Variants in TUBA3C observed in about 807,000 individuals in gnomAD.
The protein encoded by TUBA3C is tubulin alpha 3c, also known as tubulin alpha-3C chain.
Under a neutral mutation model 33.4 loss-of-function variants are expected in TUBA3C, and 23 were observed. The ratio of observed to expected loss-of-function variants is 0.69; its 90% confidence interval spans 0.50 to 0.98. TUBA3C has a LOEUF of 0.98. Ranked by LOEUF, TUBA3C falls within the 50% of genes least tolerant of loss-of-function variation. TUBA3C has a pLI of 0.00. For missense variants in TUBA3C, 402 were observed against 616.0 expected (o/e 0.65, Z 3.68); for synonymous variants, 269 against 250.4 (o/e 1.07, Z -0.70).
rs181825114 is a variant in TUBA3C, at chr13:19,181,455, C to T, written c.3+290G>A. 1.1e-4 allele frequency among the ~76,000 whole-genome samples: 16 copies of T among 152,250 alleles called. No individual in the cohort carries two copies. In the East Asian group the frequency reaches 2.5e-3, roughly 24 times the overall value. On this transcript the variant is annotated intron_variant, in intron 1 of 4. Transcript: ENST00000400113. Reference sequence around the variant, plus strand: ...GCAGCGCCCTTCTGTCTTCAGGAGGCGGCACCACTGTTTGCTCTCTGGGGG... The same window carrying T: ...GCAGCGCCCTTCTGTCTTCAGGAGGTGGCACCACTGTTTGCTCTCTGGGGG...
rs375826128 is a variant in TUBA3C, at chr13:19,181,734, C to A, written c.3+11G>T. 33 of 1,602,092 alleles carry A rather than the reference C, an allele frequency of 2.1e-5. No homozygotes were observed. Among genetic ancestry groups the A allele is most frequent in the Admixed American group, 1.2e-4 (7 of 59,996 alleles). On this transcript the variant is annotated intron_variant, in intron 1 of 4. Coordinates refer to ENST00000400113, the MANE Select transcript of TUBA3C (RefSeq NM_006001.3). ...CTGGGCGTCTGCGGGGTGGGAGTGA[C>A]CTGGCCTTACCATGTTGAGCTCCTC...
intron 1 of TUBA3C, among the ~76,000 whole-genome samples, chr13:19,180,439 C>T (rs1036624121): frequency 2.0e-5 from 3 of 152,046 alleles, no homozygotes; most frequent in African/African-American, 7.2e-5. Context: ...GTAATTCCAG[C>T]ACTTTGGGAG....
At chr13:19,179,298 C>A in intron 2 of TUBA3C, 43 bp downstream of exon 2, 1 of 1,610,260 alleles carries the variant, frequency 6.2e-7, no homozygotes. Context: ...CGATGCTCTC[C>A]CACCCTCCTA....
chr13:19,177,833 A>G lies in TUBA3C; in HGVS notation c.376-226T>C, dbSNP rs704232. ...TTGCAGACGCAATAGGACTCAAGAT[A>G]CTGTTCTAAGTTGTTTTTTTTTTTT... is the stretch of plus-strand genomic sequence containing the variant. On this transcript the variant is annotated intron_variant, in intron 3 of 4. Coordinates refer to ENST00000400113, the MANE Select transcript of TUBA3C (RefSeq NM_006001.3). The surrounding 1 kb of genome is among the most constrained non-coding windows in gnomAD (Gnocchi z 5.0). Among the ~76,000 whole-genome samples, 146,774 of 150,496 alleles carry G rather than the reference A, an allele frequency of 0.98. 71,689 individuals carry two copies. The highest frequency in any genetic ancestry group is 1 in the Middle Eastern group (290 of 290).
In TUBA3C at chr13:19,177,187, G is replaced by A; in HGVS notation, c.796C>T (p.His266Tyr). The A allele has an allele frequency of 6.2e-7, 1 of 1,614,110 alleles. No individual in the cohort carries two copies. Among genetic ancestry groups the A allele is most frequent in the Non-Finnish European group, 8.5e-7 (1 of 1,180,022 alleles). ...GGGGCGTAGGTGGCCAGGGGGAAGT[G>A]GATGCGGGGGTACGGCACTAGGTTG... is the stretch of plus-strand genomic sequence containing the variant. Reference protein sequence around the residue: ...QTNLVPYPRIHFPLATYAPVI... With the variant: ...QTNLVPYPRIYFPLATYAPVI... The change falls in exon 4 of 5, where the codon CAC becomes TAC. Residue 266 changes from histidine (H) to tyrosine (Y), a missense_variant. His to Tyr is a moderately conservative substitution (Grantham distance 83). Coordinates refer to ENST00000400113, the MANE Select transcript of TUBA3C (RefSeq NM_006001.3). The surrounding 1 kb of genome is among the most constrained non-coding windows in gnomAD (Gnocchi z 5.0).
rs2138956414 is a variant in TUBA3C, at chr13:19,177,629, G to C, written c.376-22C>G. 6.5e-7 allele frequency: 1 copy of C among 1,541,692 alleles called. No homozygotes were observed. Reference sequence around the variant, plus strand: ...CCGCCTGAGGGAAACCAGACAACATGAATCAATGCCCGTGGAAGCCACACC... The same window carrying C: ...CCGCCTGAGGGAAACCAGACAACATCAATCAATGCCCGTGGAAGCCACACC... On this transcript the variant is annotated intron_variant, in intron 3 of 4. Coordinates refer to ENST00000400113, the MANE Select transcript of TUBA3C (RefSeq NM_006001.3). This position sits in a 1 kb window ranked among gnomAD's most constrained non-coding sequence, Gnocchi z 5.0.
At chr13:19,179,647 T>C (rs1593262361) in intron 1 of TUBA3C, 84 bp from the exon 2 acceptor site, 1 of 1,443,936 alleles carries the variant, frequency 6.9e-7, no homozygotes, top group Admixed American at 2.5e-5. Context: ...TAATTTAATA[T>C]TTATATACTG....
intron 4 of TUBA3C, 91 bp from the exon 5 acceptor site, chr13:19,174,250 G>A: frequency 6.8e-7 from 1 of 1,478,698 alleles, no homozygotes; most frequent in East Asian, 2.4e-5. Context: ...CACCCTGTAG[G>A]TGAACAGGAG....
chr13:19,174,782 A>G (rs986225706), intron 4 of TUBA3C, among the ~76,000 whole-genome samples: 3 of 152,164 alleles, frequency 2.0e-5, no homozygotes, highest in African/African-American at 7.2e-5. Context: ...CAGTATGGCA[A>G]GACCCTGTCT....
chr13:19,174,265 C>G (rs527492822), intron 4 of TUBA3C, 106 bp from the exon 5 acceptor site: 12 of 1,419,570 alleles, frequency 8.5e-6, no homozygotes, highest in Non-Finnish European at 1.0e-5. Flanking sequence ...CAGGAGAATT[C>G]TCAGTTCACC....
intron 1 of TUBA3C, 137 bp from the exon 2 acceptor site, chr13:19,179,700 G>A (rs1203206849): frequency 6.2e-6 from 8 of 1,281,946 alleles, no homozygotes; most frequent in Admixed American, 2.8e-5. Context: ...TCCTAGGAGG[G>A]TTAGGTGACT....
intron 4 of TUBA3C, among the ~76,000 whole-genome samples, chr13:19,175,969 C>T (rs9511910): frequency 0.041 from 6,318 of 152,272 alleles, 160 homozygotes; most frequent in Middle Eastern, 0.068. Context: ...GTGTCAAACT[C>T]CTGACCTCAG....
Position 19,178,315 on chromosome 13 carries a change from A to G in TUBA3C, c.306T>C (p.Asn102=), listed in dbSNP as rs1418279511. The change falls in exon 3 of 5, where the codon AAT becomes AAC. Residue 102 remains asparagine, a synonymous_variant. Coordinates refer to ENST00000400113, the MANE Select transcript of TUBA3C (RefSeq NM_006001.3). The part of the protein sequence containing the change: ...LITGKEDAAN[N]YARGHYTIGK... ...CGATGGTGTAATGGCCTCTGGCGTA[A>G]TTATTGGCCGCATCTTCCTTCCCGG... 1 of 1,614,162 alleles carries G rather than the reference A, an allele frequency of 6.2e-7. No individual in the cohort carries two copies. The highest frequency in any genetic ancestry group is 8.5e-7 in the Non-Finnish European group (1 of 1,180,026).
chr13:19,180,708 G>A (rs1366470575), intron 1 of TUBA3C, among the ~76,000 whole-genome samples: 1 of 151,852 alleles, frequency 6.6e-6, no homozygotes, highest in Admixed American at 6.6e-5. Flanking sequence ...TGTTAGCCAG[G>A]ATGGTCTCGA....
rs12869686 is a variant in TUBA3C at position 19,177,867 on chromosome 13, G to A, written c.376-260C>T. 4.7e-4 allele frequency among the ~76,000 whole-genome samples: 49 copies of A among 103,924 alleles called. No individual in the cohort carries two copies. The highest frequency in any genetic ancestry group is 1.7e-3 in the African/African-American group (48 of 28,762). The allele number at this position is 103,924 out of a possible 152,430, so 68.2% of individuals were successfully genotyped here. A position where few individuals can be genotyped will look rare whatever the true frequency, so the allele number is the denominator to read the frequency against. On this transcript the variant is annotated intron_variant, in intron 3 of 4. Transcript: ENST00000400113. The surrounding 1 kb of genome is among the most constrained non-coding windows in gnomAD (Gnocchi z 5.0). ...AGTTGTTTTTTTTTTTTTTTTTTTA[G>A]ATAGAATCTCACTCTGTTGCCCAGG...
chr13:19,181,237 G>A (rs1869403891), intron 1 of TUBA3C, among the ~76,000 whole-genome samples: 1 of 151,922 alleles, frequency 6.6e-6, no homozygotes, highest in South Asian at 2.1e-4. Flanking sequence ...TTTTAGTAGA[G>A]AAGGGATTTC....
Position 19,176,925 on chromosome 13 carries a change from A to G in TUBA3C, c.1056+2T>C, listed in dbSNP as rs775681475. 1 of 1,612,986 alleles carries G rather than the reference A, an allele frequency of 6.2e-7. No individual in the cohort carries two copies. The highest frequency in any genetic ancestry group is 1.1e-5 in the South Asian group (1 of 91,026). The stretch of plus-strand genomic sequence containing the variant: ...CAAGGACTCCACATTACCCAGTCAT[A>G]CCTTAAATCCAGTTGGGCACCAATC... On this transcript the variant is annotated splice_donor_variant, in intron 4 of 4. Coordinates refer to ENST00000400113, the MANE Select transcript of TUBA3C (RefSeq NM_006001.3). LOFTEE classifies it high-confidence loss of function.
At position 19,177,019 on chromosome 13, in the gene TUBA3C, C is replaced by G. The variant is rs554935595; in HGVS notation, c.964G>C (p.Asp322His). Residue 322 changes from aspartate to histidine, a missense_variant, in exon 4 of 5, where the codon GAT (aspartate) becomes CAT (histidine). Asp to His is a moderately conservative substitution (Grantham distance 81). Transcript: ENST00000400113. This position sits in a 1 kb window ranked among gnomAD's most constrained non-coding sequence, Gnocchi z 5.0. ...YMACCMLYRG[D>H]VVPKDVNAAI... The stretch of plus-strand genomic sequence containing the variant: ...GCGTTGACATCTTTCGGGACCACAT[C>G]CCCCCTGTACAACATGCAGCAGGCC... 2.5e-6 allele frequency: 4 copies of G among 1,614,068 alleles called. No individual in the cohort carries two copies. Among genetic ancestry groups the G allele is most frequent in the Non-Finnish European group, 3.4e-6 (4 of 1,180,028 alleles).
intron 4 of TUBA3C, 123 bp from the exon 5 acceptor site, chr13:19,174,282 A>G: frequency 2.9e-6 from 4 of 1,359,616 alleles, no homozygotes; most frequent in Non-Finnish European, 3.9e-6. Flanking sequence ...CACCCCACAA[A>G]TGTCACTAAG....
Sources: allele counts gnomAD v4.1 joint callset (sites outside exome capture counted in the v4.1 genomes callset), GRCh38; gene constraint gnomAD v4.1.1; non-coding constraint Gnocchi (gnomAD v3.1); transcripts MANE v1.5; gene names NCBI Gene and HGNC (gene_info 2026-07-23, HGNC 2026-07-21).